KIAA1549L: variants seen among roughly 807,000 people sequenced by gnomAD.
KIAA1549L encodes the protein KIAA1549 like.
KIAA1549L carries 88 observed loss-of-function variants against 160.7 expected under a neutral mutation model. That is an observed-to-expected ratio of 0.55 (90% CI 0.46 to 0.65). The LOEUF is 0.65. KIAA1549L is among the 30% of genes least tolerant of loss of function. The pLI is 0.00. For missense variants in KIAA1549L, 2,258 were observed against 2,437.5 expected (o/e 0.93, Z 1.55); for synonymous variants, 950 against 976.7 (o/e 0.97, Z 0.51).
intron 15 of KIAA1549L, among the ~76,000 whole-genome samples, chr11:33,614,530 A>G (rs117537426): frequency 0.46 from 3,811 of 8,342 alleles, 222 homozygotes; most frequent in Non-Finnish European, 0.48. Flanking sequence ...GAGTGTAACA[A>G]GATATATATA....
chr11:33,385,487 C>T (rs1850155974), intron 1 of KIAA1549L, among the ~76,000 whole-genome samples: 1 of 152,168 alleles, frequency 6.6e-6, no homozygotes, highest in African/African-American at 2.4e-5. Context: ...AAAAATGTTT[C>T]CAGACATTGC....
At chr11:33,547,641 G>A in intron 3 of KIAA1549L, 123 bp from the exon 4 acceptor site, 1 of 630,444 alleles carries the variant, frequency 1.6e-6, no homozygotes, top group Non-Finnish European at 2.8e-6. Context: ...CCTCAATGAT[G>A]GCCCTGTGCT....
chr11:33,548,746 A>G (rs1421660009), intron 4 of KIAA1549L, among the ~76,000 whole-genome samples: 1 of 152,180 alleles, frequency 6.6e-6, no homozygotes. Flanking sequence ...TTTGATTCCA[A>G]GTTTTCAAAC....
chr11:33,562,597 G>A (rs1854901501), intron 8 of KIAA1549L, among the ~76,000 whole-genome samples: 1 of 151,510 alleles, frequency 6.6e-6, no homozygotes, highest in Admixed American at 6.6e-5. Flanking sequence ...GGGTCTGTCT[G>A]TATCCTAATC....
chr11:33,545,898 A>C lies in KIAA1549L; in HGVS notation c.3385+520A>C, dbSNP rs1307109681. On this transcript the variant is annotated intron_variant, in intron 3 of 20. Coordinates refer to ENST00000658780, the MANE Select transcript of KIAA1549L (RefSeq NM_012194.3). ...TACAGAGTTCAGAAAGGCTTTTGTCATGCATTTTTTCAATTAGCTGATAGC... is the reference window on the plus strand; with the variant it reads ...TACAGAGTTCAGAAAGGCTTTTGTCCTGCATTTTTTCAATTAGCTGATAGC... 3.3e-5 allele frequency among the ~76,000 whole-genome samples: 5 copies of C among 152,228 alleles called. No homozygotes were observed. In the South Asian group the frequency reaches 1.0e-3, roughly 32 times the overall value.
intron 1 of KIAA1549L, among the ~76,000 whole-genome samples, chr11:33,378,394 C>G (rs1364291468): frequency 1.3e-5 from 2 of 151,836 alleles, no homozygotes; most frequent in Non-Finnish European, 2.9e-5. Context: ...CTTGAGCCTT[C>G]TGAACCTCCC....
chr11:33,503,878 A>G (rs1853012675), intron 1 of KIAA1549L, among the ~76,000 whole-genome samples: 1 of 152,270 alleles, frequency 6.6e-6, no homozygotes, highest in Admixed American at 6.5e-5. Flanking sequence ...TGCAGCAGGA[A>G]TGGTCAACAG....
At chr11:33,604,299 AC>A (rs750848444) in intron 13 of KIAA1549L, among the ~76,000 whole-genome samples, 31 of 152,136 alleles carry the variant, frequency 2.0e-4, no homozygotes, top group Non-Finnish European at 3.7e-4. Flanking sequence ...ACTGGCAAAA[AC>A]CAATAGATGT....
At chr11:33,644,398 A>AT (rs1564938117) in intron 16 of KIAA1549L, among the ~76,000 whole-genome samples, 2 of 152,224 alleles carry the variant, frequency 1.3e-5, no homozygotes, top group Non-Finnish European at 2.9e-5. Flanking sequence ...AGGACTCCCC[A>AT]TTTTGGGTGA....
intron 18 of KIAA1549L, among the ~76,000 whole-genome samples, chr11:33,656,570 A>T (rs1247227698): frequency 2.0e-5 from 3 of 152,240 alleles, no homozygotes; most frequent in Non-Finnish European, 4.4e-5. Flanking sequence ...CTCAATTGCA[A>T]CACATATGTT....
At chr11:33,489,552 G>A (rs1411751311) in intron 1 of KIAA1549L, among the ~76,000 whole-genome samples, 1 of 152,196 alleles carries the variant, frequency 6.6e-6, no homozygotes, top group Non-Finnish European at 1.5e-5. Flanking sequence ...AGTTAGTAAT[G>A]GAGGTGATGT....
chr11:33,480,594 C>T (rs1490579763), intron 1 of KIAA1549L, among the ~76,000 whole-genome samples: 2 of 151,938 alleles, frequency 1.3e-5, no homozygotes, highest in African/African-American at 4.8e-5. Flanking sequence ...GATTTGTATC[C>T]CTAAGGTTGT....
In KIAA1549L at chr11:33,518,507, G is replaced by A. The variant is rs1853408152; in HGVS notation, c.239-23295G>A. Among the ~76,000 whole-genome samples, 5 of 152,198 alleles carry A rather than the reference G, an allele frequency of 3.3e-5. No homozygotes were observed. The South Asian group carries it at 1.0e-3, about 32-fold the overall frequency. ...ATCACAGCAGAGTCAACTACATATT[G>A]GAGACTACTTTGTGTTCATCTGTTC... On this transcript the variant is annotated intron_variant, in intron 1 of 20. Coordinates refer to ENST00000658780, the MANE Select transcript of KIAA1549L (RefSeq NM_012194.3).
At chr11:33,455,865 T>C (rs959335421) in intron 1 of KIAA1549L, among the ~76,000 whole-genome samples, 1 of 152,200 alleles carries the variant, frequency 6.6e-6, no homozygotes, top group Non-Finnish European at 1.5e-5. Context: ...TCAACCAGGT[T>C]TTCCAAACAG....
intron 1 of KIAA1549L, among the ~76,000 whole-genome samples, chr11:33,525,736 T>C (rs1853596307): frequency 6.6e-6 from 1 of 152,014 alleles, no homozygotes; most frequent in Non-Finnish European, 1.5e-5. Flanking sequence ...ATTTCAGCTC[T>C]GCTCACCAGC....
chr11:33,646,324 A>G (rs1159494066), intron 17 of KIAA1549L, among the ~76,000 whole-genome samples: 2 of 152,186 alleles, frequency 1.3e-5, no homozygotes, highest in Non-Finnish European at 2.9e-5. Flanking sequence ...CATATTCTTC[A>G]CGCACTGGTG....
intron 12 of KIAA1549L, 28 bp downstream of exon 12, chr11:33,591,449 C>G: frequency 5.2e-6 from 8 of 1,548,688 alleles, no homozygotes; most frequent in Non-Finnish European, 7.0e-6. Flanking sequence ...TTCTGCCTCT[C>G]TGTGTCAGCA....
chr11:33,557,453 A>G (rs1854688002), intron 6 of KIAA1549L, among the ~76,000 whole-genome samples: 1 of 152,118 alleles, frequency 6.6e-6, no homozygotes. Context: ...GGGAAAGAAT[A>G]TGCTTAGCCA....
At chr11:33,606,423 C>T (rs76594841) in intron 13 of KIAA1549L, among the ~76,000 whole-genome samples, 351 of 152,268 alleles carry the variant, frequency 2.3e-3, no homozygotes, top group Non-Finnish European at 4.0e-3. Context: ...AGTTCTTTCC[C>T]ACCCATGATA....
Sources: allele counts gnomAD v4.1 joint callset (sites outside exome capture counted in the v4.1 genomes callset), GRCh38; gene constraint gnomAD v4.1.1; transcripts MANE v1.5; gene names NCBI Gene and HGNC (gene_info 2026-07-23, HGNC 2026-07-21).